Variants in CEMIP observed in about 807,000 individuals in gnomAD.
CEMIP encodes the protein cell migration inducing hyaluronidase 1, also known as cell migration-inducing and hyaluronan-binding protein.
Under a neutral mutation model 156.9 loss-of-function variants are expected in CEMIP, and 105 were observed. The ratio of observed to expected loss-of-function variants is 0.67; its 90% CI spans 0.57 to 0.79. The LOEUF is 0.79. Among genes scored for constraint, CEMIP ranks in the 30% least tolerant of loss-of-function variants. The pLI, the probability that CEMIP is intolerant of heterozygous loss-of-function variation, is 0.00. For missense variants in CEMIP, 1,457 were observed against 1,769.4 expected (o/e 0.82, Z 3.17); for synonymous variants, 676 against 668.4 (o/e 1.01, Z -0.17).
chr15:80,820,592 T>A lies in CEMIP; in HGVS notation c.-176+40978T>A, dbSNP rs540272860. On this transcript the variant is annotated intron_variant, in intron 1 of 29. Transcript: ENST00000394685. ...GCTGACTAGCCAAGTGACCCTGAAC[T>A]ACTCCCTCAACTTTCTGATTCTCAG... is the stretch of plus-strand genomic sequence containing the variant. Among the ~76,000 whole-genome samples the A allele has an allele frequency of 2.0e-3, 310 of 152,326 alleles. 1 individual carries two copies. Among genetic ancestry groups the A allele is most frequent in the African/African-American group, 7.3e-3 (302 of 41,574 alleles).
intron 1 of CEMIP, among the ~76,000 whole-genome samples, chr15:80,838,606 C>T (rs372780425): frequency 1.1e-3 from 172 of 152,164 alleles, no homozygotes; most frequent in African/African-American, 3.7e-3. Context: ...TTGTTCTACG[C>T]GCCTCATCCA....
chr15:80,803,357 A>C (rs1215594195), intron 1 of CEMIP, among the ~76,000 whole-genome samples: 1 of 152,208 alleles, frequency 6.6e-6, no homozygotes, highest in Non-Finnish European at 1.5e-5. Flanking sequence ...ACTAGGCAGG[A>C]ATGCTATTCT....
At chr15:80,935,800 G>C (rs1373622837) in intron 23 of CEMIP, among the ~76,000 whole-genome samples, 1 of 152,112 alleles carries the variant, frequency 6.6e-6, no homozygotes, top group South Asian at 2.1e-4. Flanking sequence ...GGGCAATGGC[G>C]TGATCTCGGC....
At chr15:80,831,435 A>G (rs1310038828) in intron 1 of CEMIP, among the ~76,000 whole-genome samples, 1 of 152,124 alleles carries the variant, frequency 6.6e-6, no homozygotes, top group Non-Finnish European at 1.5e-5. Flanking sequence ...CGCTGATTCC[A>G]GTTTCACAGT....
chr15:80,869,316 C>T (rs751636828), intron 1 of CEMIP, among the ~76,000 whole-genome samples: 2 of 152,110 alleles, frequency 1.3e-5, no homozygotes, highest in Non-Finnish European at 2.9e-5. Context: ...TTGGGGAGTG[C>T]ACAATTCAGC....
intron 1 of CEMIP, among the ~76,000 whole-genome samples, chr15:80,794,383 G>T (rs1646162279): frequency 6.6e-6 from 1 of 152,112 alleles, no homozygotes; most frequent in South Asian, 2.1e-4. Context: ...AGGCTGCTAG[G>T]CTCTGGGGAT....
intron 14 of CEMIP, among the ~76,000 whole-genome samples, chr15:80,918,258 G>T (rs1178394424): frequency 6.6e-6 from 1 of 151,958 alleles, no homozygotes; most frequent in African/African-American, 2.4e-5. Context: ...CTAGGCAACA[G>T]AGCCAGACCT....
chr15:80,866,773 C>T (rs534453416), intron 1 of CEMIP, among the ~76,000 whole-genome samples: 1 of 129,388 alleles, frequency 7.7e-6, no homozygotes, highest in East Asian at 3.0e-4. Flanking sequence ...GCAACAAGAA[C>T]AAAACTCTGT....
chr15:80,808,791 A>G (rs1896582838), intron 1 of CEMIP, among the ~76,000 whole-genome samples: 2 of 152,174 alleles, frequency 1.3e-5, no homozygotes, highest in Non-Finnish European at 1.5e-5. Context: ...GAAGCCAAAA[A>G]AAAAAAAATA....
intron 1 of CEMIP, among the ~76,000 whole-genome samples, chr15:80,854,749 C>A (rs2141748021): frequency 6.6e-6 from 1 of 152,162 alleles, no homozygotes; most frequent in South Asian, 2.1e-4. Context: ...CCTAAAAATG[C>A]AAAGGGAAGT....
In CEMIP at chr15:80,949,108, A is replaced by G. The variant is rs943962043; in HGVS notation, c.*184A>G. On this transcript the variant is annotated 3_prime_UTR_variant, in exon 30 of 30. Transcript: ENST00000394685. ...TGGTGCTGCCACCTGCCCCTACTCA[A>G]GTGTCTACCTGGAGCCCCTGGGGCG... 2 of 763,258 alleles carry G rather than the reference A, an allele frequency of 2.6e-6. No individual in the cohort carries two copies. The highest frequency in any genetic ancestry group is 3.4e-5 in the African/African-American group (2 of 58,110). 47.3% of individuals were successfully genotyped at this position (763,258 alleles called of 1,614,324 possible). A position where few individuals can be genotyped will look rare whatever the true frequency, so the allele number is the denominator to read the frequency against.
At chr15:80,798,393 A>G (rs1896287039) in intron 1 of CEMIP, among the ~76,000 whole-genome samples, 1 of 152,106 alleles carries the variant, frequency 6.6e-6, no homozygotes, top group African/African-American at 2.4e-5. Context: ...ACCGTTTTAT[A>G]TGTTTTTTCC....
chr15:80,925,818 C>T, intron 19 of CEMIP, 63 bp downstream of exon 19: 1 of 1,576,164 alleles, frequency 6.3e-7, no homozygotes, highest in Non-Finnish European at 8.6e-7. Flanking sequence ...CCCTAGCCCC[C>T]TACAGAGACA....
At position 80,936,771 on chromosome 15, in the gene CEMIP, G is replaced by A. The variant is rs764683759; in HGVS notation, c.3107G>A (p.Arg1036Lys). 2 of 1,613,752 alleles carry A rather than the reference G, an allele frequency of 1.2e-6. No individual in the cohort carries two copies. Among genetic ancestry groups the A allele is most frequent in the Admixed American group, 1.7e-5 (1 of 60,014 alleles). Reference protein sequence around the residue: ...HPLYLEGALTRSTHYQQYQPV... With the variant: ...HPLYLEGALTKSTHYQQYQPV... ...CTTTACCTGGAGGGGGCGCTCACCAGGAGCACCCATTACCAGCAATACCAA... is the reference window on the plus strand; with the variant it reads ...CTTTACCTGGAGGGGGCGCTCACCAAGAGCACCCATTACCAGCAATACCAA... Residue 1036 changes from arginine (R) to lysine (K), a missense_variant, in exon 24 of 30, where the codon AGG (arginine) becomes AAG (lysine). By Grantham distance (26) the Arg-to-Lys change is conservative. Around this residue, in one of 5 missense-constraint regions of CEMIP, gnomAD observed 798 missense variants for 980.1 expected, o/e 0.81. Coordinates refer to ENST00000394685, the MANE Select transcript of CEMIP (RefSeq NM_001293298.2).
At chr15:80,828,319 G>A (rs1193394584) in intron 1 of CEMIP, among the ~76,000 whole-genome samples, 1 of 152,012 alleles carries the variant, frequency 6.6e-6, no homozygotes, top group Non-Finnish European at 1.5e-5. Flanking sequence ...GGTGGAGGCT[G>A]CAGTGAGCTG....
intron 12 of CEMIP, among the ~76,000 whole-genome samples, chr15:80,899,641 T>C (rs1335439841): frequency 6.6e-6 from 1 of 151,458 alleles, no homozygotes; most frequent in Non-Finnish European, 1.5e-5. Context: ...GAGGGCTGCA[T>C]GGGGCTCGAG....
intron 12 of CEMIP, among the ~76,000 whole-genome samples, chr15:80,897,048 T>G (rs1899256036): frequency 6.6e-6 from 1 of 152,210 alleles, no homozygotes; most frequent in African/African-American, 2.4e-5. Context: ...GGAACAGTCA[T>G]TGAAAGTTCT....
At chr15:80,945,487 G>A (rs1434441436) in intron 28 of CEMIP, among the ~76,000 whole-genome samples, 9 of 152,210 alleles carry the variant, frequency 5.9e-5, no homozygotes, top group Non-Finnish European at 1.3e-4. Flanking sequence ...TAGAGTGGAG[G>A]ATGTGTTAGC....
At chr15:80,923,493 C>G (rs2141928506) in intron 17 of CEMIP, among the ~76,000 whole-genome samples, 1 of 152,110 alleles carries the variant, frequency 6.6e-6, no homozygotes, top group East Asian at 1.9e-4. Flanking sequence ...TGTGGAGAGG[C>G]TGGAAAGGGG....
Sources: allele counts gnomAD v4.1 joint callset (sites outside exome capture counted in the v4.1 genomes callset), GRCh38; gene constraint gnomAD v4.1.1; regional missense constraint gnomAD v4.1.1; transcripts MANE v1.5; gene names NCBI Gene and HGNC (gene_info 2026-07-23, HGNC 2026-07-21).